The following EVA1A variants were observed in gnomAD, a reference collection of about 807,000 sequenced individuals.
EVA1A encodes the protein protein eva-1 homolog A.
EVA1A carries 7 observed loss-of-function variants against 9.8 expected under a neutral mutation model. That is an observed-to-expected ratio of 0.71 (90% confidence interval 0.41 to 1.34). EVA1A has a LOEUF of 1.34. EVA1A is among the 40% of genes most tolerant of loss of function. The pLI is 0.01. For synonymous variants in EVA1A, 90 were observed against 85.6 expected, an observed-to-expected ratio of 1.05 and a Z score of -0.28; for missense variants, 206 against 205.9, an observed-to-expected ratio of 1.00 and a Z score of 0.00.
Position 75,500,165 on chromosome 2 carries a change from A to G in EVA1A, c.86-6556T>C, listed in dbSNP as rs536213139. 1.4e-4 allele frequency among the ~76,000 whole-genome samples: 22 copies of G among 152,338 alleles called. No homozygotes were observed. The East Asian group carries it at 4.2e-3, about 29-fold the overall frequency. Reference sequence around the variant, plus strand: ...AACTGTTCCAAATATTGAAAAATTGATGTCAATGACAGGAGGCAAAAGCCC... The same window carrying G: ...AACTGTTCCAAATATTGAAAAATTGGTGTCAATGACAGGAGGCAAAAGCCC... On this transcript the variant is annotated intron_variant, in intron 3 of 3. Transcript: ENST00000393913.
At chr2:75,543,256 C>G (rs1234730335) in intron 1 of EVA1A, among the ~76,000 whole-genome samples, 2 of 152,116 alleles carry the variant, frequency 1.3e-5, no homozygotes, top group Non-Finnish European at 2.9e-5. Context: ...TTTAAAAAGG[C>G]AATCACTTGC....
At chr2:75,562,458 A>G (rs953520264), upstream of EVA1A, among the ~76,000 whole-genome samples, 8 of 152,168 alleles carry the variant, frequency 5.3e-5, no homozygotes, top group Non-Finnish European at 8.8e-5. Context: ...AACAACACCT[A>G]TCTGTAGATG....
chr2:75,533,976 T>G (rs1230312610), intron 1 of EVA1A, among the ~76,000 whole-genome samples: 3 of 151,920 alleles, frequency 2.0e-5, no homozygotes, highest in African/African-American at 7.2e-5. Flanking sequence ...CACGCCCGGC[T>G]AATTTTTTTG....
intron 1 of EVA1A, among the ~76,000 whole-genome samples, chr2:75,536,618 A>G (rs1227147552): frequency 6.6e-6 from 1 of 152,332 alleles, no homozygotes; most frequent in African/African-American, 2.4e-5. Context: ...AAAACAGTAG[A>G]TATCACTAAC....
intron 1 of EVA1A, among the ~76,000 whole-genome samples, chr2:75,529,689 G>T (rs1675575721): frequency 6.6e-6 from 1 of 152,124 alleles, no homozygotes; most frequent in African/African-American, 2.4e-5. Flanking sequence ...TTTAAAAATT[G>T]TCTGAACTGA....
intron 1 of EVA1A, among the ~76,000 whole-genome samples, chr2:75,525,316 G>A (rs1273760727): frequency 6.6e-6 from 1 of 152,066 alleles, no homozygotes; most frequent in African/African-American, 2.4e-5. Flanking sequence ...CCTCCACTGT[G>A]GTTTCTTATC....
rs145714795 is a variant in EVA1A, at chr2:75,548,056, C to T, written c.-192+12624G>A. Among the ~76,000 whole-genome samples the T allele has an allele frequency of 7.4e-3, 1,127 of 152,358 alleles. 7 individuals carry two copies. The highest frequency in any genetic ancestry group is 8.2e-3 in the Non-Finnish European group (559 of 68,044). On this transcript the variant is annotated intron_variant, in intron 1 of 3. Transcript: ENST00000393913. ...GCCAGGCCCTGGGTAAGTTGCCATT[C>T]CCTTCAGTGACTTGCCTCTCATAAA...
At chr2:75,558,915 A>G (rs1037452074) in intron 1 of EVA1A, among the ~76,000 whole-genome samples, 1 of 152,216 alleles carries the variant, frequency 6.6e-6, no homozygotes, top group Admixed American at 6.5e-5. Flanking sequence ...TCTGCTAGCA[A>G]TAGGGGACCA....
intron 3 of EVA1A, among the ~76,000 whole-genome samples, chr2:75,505,923 CATAT>C (rs67496475): frequency 0.18 from 27,576 of 152,014 alleles, 2,837 homozygotes; most frequent in African/African-American, 0.28. Context: ...CTTTCTCTAT[CATAT>C]AAACATGCAC....
At chr2:75,550,748 A>G (rs1403630159) in intron 1 of EVA1A, among the ~76,000 whole-genome samples, 1 of 152,240 alleles carries the variant, frequency 6.6e-6, no homozygotes, top group Non-Finnish European at 1.5e-5. Context: ...GAAGAGAAAT[A>G]TTAGAAATCT....
chr2:75,520,970 T>C (rs1473668924), intron 2 of EVA1A, among the ~76,000 whole-genome samples: 1 of 152,196 alleles, frequency 6.6e-6, no homozygotes, highest in Non-Finnish European at 1.5e-5. Flanking sequence ...TCCAGACTGC[T>C]ACCTATCCTA....
In EVA1A at chr2:75,501,790, C is replaced by T. The variant is rs575006637; in HGVS notation, c.86-8181G>A. Among the ~76,000 whole-genome samples, 37 of 152,270 alleles carry T rather than the reference C, an allele frequency of 2.4e-4. No individual in the cohort carries two copies. In the South Asian group the frequency reaches 3.7e-3, roughly 15 times the overall value. ...GGCAGAGTAAGTGGGAATCAGCAGG[C>T]GAGCTCCCGTGATTGGCACTGTACA... On this transcript the variant is annotated intron_variant, in intron 3 of 3. Coordinates refer to ENST00000393913, the MANE Select transcript of EVA1A (RefSeq NM_001135032.2).
At position 75,500,173 on chromosome 2, in the gene EVA1A, G is replaced by A. The variant is rs554964429; in HGVS notation, c.86-6564C>T. Among the ~76,000 whole-genome samples the A allele has an allele frequency of 2.6e-5, 4 of 152,284 alleles. No individual in the cohort carries two copies. In the East Asian group the frequency reaches 7.7e-4, roughly 29 times the overall value. ...CAAATATTGAAAAATTGATGTCAAT[G>A]ACAGGAGGCAAAAGCCCCTAATAAC... On this transcript the variant is annotated intron_variant, in intron 3 of 3. Transcript: ENST00000393913.
intron 1 of EVA1A, among the ~76,000 whole-genome samples, chr2:75,553,013 C>T (rs531144281): frequency 6.6e-6 from 1 of 152,376 alleles, no homozygotes; most frequent in Admixed American, 6.5e-5. Context: ...AATTCCAATT[C>T]TCTAACAAAT....
At chr2:75,544,556 A>T (rs1322924293) in intron 1 of EVA1A, among the ~76,000 whole-genome samples, 1 of 152,162 alleles carries the variant, frequency 6.6e-6, no homozygotes, top group Non-Finnish European at 1.5e-5. Flanking sequence ...TGCCAGATTA[A>T]ACATGTTTTG....
At chr2:75,514,609 T>A (rs1674938581) in intron 3 of EVA1A, among the ~76,000 whole-genome samples, 1 of 152,164 alleles carries the variant, frequency 6.6e-6, no homozygotes, top group Non-Finnish European at 1.5e-5. Context: ...TGGTTACCTA[T>A]ACATATGAAT....
At chr2:75,552,783 C>T (rs917319601) in intron 1 of EVA1A, among the ~76,000 whole-genome samples, 1 of 152,182 alleles carries the variant, frequency 6.6e-6, no homozygotes, top group Non-Finnish European at 1.5e-5. Flanking sequence ...GCCCAAGTTA[C>T]AGGGAGTGTG....
At position 75,493,193 on chromosome 2, in the gene EVA1A, C is replaced by T; in HGVS notation, c.*43G>A. 1 of 1,567,730 alleles carries T rather than the reference C, an allele frequency of 6.4e-7. No individual in the cohort carries two copies. On this transcript the variant is annotated 3_prime_UTR_variant, in exon 4 of 4. Coordinates refer to ENST00000393913, the MANE Select transcript of EVA1A (RefSeq NM_001135032.2). ...GCCCACTGTCCCTGCAGACGCTCTC[C>T]TTTCCAGGCGGCCTCCAGTGGTTTC...
At chr2:75,526,466 A>AGGTAATTT (rs57593659) in intron 1 of EVA1A, among the ~76,000 whole-genome samples, 8,131 of 152,246 alleles carry the variant, frequency 0.053, 668 homozygotes, top group African/African-American at 0.18. Context: ...AAGTTTCATA[A>AGGTAATTT]CAGTCCCATG....
Sources: allele counts gnomAD v4.1 joint callset (sites outside exome capture counted in the v4.1 genomes callset), GRCh38; gene constraint gnomAD v4.1.1; transcripts MANE v1.5; gene names NCBI Gene and HGNC (gene_info 2026-07-23, HGNC 2026-07-21).